The following SPAG9 variants were observed in gnomAD, a reference collection of about 807,000 sequenced individuals.
The protein encoded by SPAG9 is C-Jun-amino-terminal kinase-interacting protein 4.
SPAG9 carries 35 observed loss-of-function variants against 166.5 expected under a neutral mutation model. That is an observed-to-expected ratio of 0.21 (90% CI 0.16 to 0.28). The LOEUF is 0.28. SPAG9 is among the 10% of genes least tolerant of loss of function. The probability of loss-of-function intolerance (pLI) is 1.00; values close to 1 mark genes in which losing one functional copy is unlikely to be tolerated. For missense variants in SPAG9, 1,235 were observed against 1,603.3 expected (o/e 0.77, Z 3.92); for synonymous variants, 534 against 565.5 (o/e 0.94, Z 0.79).
intron 2 of SPAG9, among the ~76,000 whole-genome samples, chr17:51,074,589 T>C (rs2047914964): frequency 6.6e-6 from 1 of 152,210 alleles, no homozygotes; most frequent in East Asian, 1.9e-4. Context: ...TGGAGGATAA[T>C]ATATTCATAA....
At chr17:51,095,584 G>T (rs1300113229) in intron 1 of SPAG9, among the ~76,000 whole-genome samples, 1 of 150,650 alleles carries the variant, frequency 6.6e-6, no homozygotes, top group Non-Finnish European at 1.5e-5. Context: ...CTGGGAGGTG[G>T]AGGCTGCAGT....
chr17:51,108,759 A>T (rs2049023908), intron 1 of SPAG9, among the ~76,000 whole-genome samples: 1 of 152,114 alleles, frequency 6.6e-6, no homozygotes, highest in Non-Finnish European at 1.5e-5. Context: ...GGCCTCCCAA[A>T]CTGCTAAGAT....
In SPAG9 at chr17:51,047,394, T is replaced by G. The variant is rs2047055550; in HGVS notation, c.571A>C (p.Thr191Pro). Reference protein sequence around the residue: ...QLSGSDQLESTAHSRIRKERP... With the variant: ...QLSGSDQLESPAHSRIRKERP... ...GCTTACCTAATTCTACTATGAGCTG[T>G]GGATTCTAGTTGATCACTCCCTGAG... Residue 191 changes from threonine (T) to proline (P), a missense_variant, in exon 4 of 30, where the codon ACA becomes CCA. Physicochemically the swap from Thr to Pro is conservative, Grantham distance 38. Transcript: ENST00000262013. The G allele has an allele frequency of 6.3e-7, 1 of 1,583,776 alleles. No individual in the cohort carries two copies. Among genetic ancestry groups the G allele is most frequent in the African/African-American group, 1.4e-5 (1 of 73,748 alleles).
intron 1 of SPAG9, among the ~76,000 whole-genome samples, chr17:51,103,268 T>C (rs2048854558): frequency 6.6e-6 from 1 of 152,156 alleles, no homozygotes; most frequent in African/African-American, 2.4e-5. Context: ...ATCTACTGCA[T>C]CCTAGTTGGT....
At chr17:50,987,804 T>G (rs188765968) in intron 21 of SPAG9, among the ~76,000 whole-genome samples, 13 of 152,304 alleles carry the variant, frequency 8.5e-5, no homozygotes, top group African/African-American at 3.1e-4. Context: ...CTAAAATAAA[T>G]TAATAAACTG....
intron 1 of SPAG9, among the ~76,000 whole-genome samples, chr17:51,105,564 T>C (rs1265703165): frequency 6.6e-6 from 1 of 152,130 alleles, no homozygotes; most frequent in Non-Finnish European, 1.5e-5. Flanking sequence ...TCTTCCCCAG[T>C]AGCTTGAAAA....
rs182926169 is a variant in SPAG9, at chr17:51,066,294, A to T, written c.425-9812T>A. 2.6e-5 allele frequency among the ~76,000 whole-genome samples: 4 copies of T among 152,114 alleles called. No individual in the cohort carries two copies. The East Asian group carries it at 7.7e-4, about 29-fold the overall frequency. ...CCAAGATAATTTTTTGATTTTTTGT[A>T]GAGACAAGGTCTCACTATGTTGCCC... On this transcript the variant is annotated intron_variant, in intron 2 of 29. Coordinates refer to ENST00000262013, the MANE Select transcript of SPAG9 (RefSeq NM_001130528.3).
rs2049436171 is a variant in SPAG9 at position 51,120,213 on chromosome 17, G to A, written c.303+141C>T. On this transcript the variant is annotated intron_variant, in intron 1 of 29. Transcript: ENST00000262013. This position sits in a 1 kb window ranked among gnomAD's most constrained non-coding sequence, Gnocchi z 4.7. Reference sequence around the variant, plus strand: ...GCTCCCGGGGTACCTGGAGGCCGCCGGGATCGGTCCCAGGGGGCATCGGCC... The same window carrying A: ...GCTCCCGGGGTACCTGGAGGCCGCCAGGATCGGTCCCAGGGGGCATCGGCC... 1 of 650,594 alleles carries A rather than the reference G, an allele frequency of 1.5e-6. No individual in the cohort carries two copies. The highest frequency in any genetic ancestry group is 3.5e-5 in the East Asian group (1 of 28,772). The allele number at this position is 650,594 out of a possible 1,614,324, so 40.3% of individuals were successfully genotyped here.
intron 2 of SPAG9, among the ~76,000 whole-genome samples, chr17:51,063,695 C>T (rs891014339): frequency 2.0e-5 from 3 of 151,982 alleles, no homozygotes; most frequent in Admixed American, 6.6e-5. Context: ...ACCAGCCTGG[C>T]CAACATGGTG....
intron 9 of SPAG9, chr17:51,009,082 C>A: frequency 2.3e-6 from 1 of 441,290 alleles, no homozygotes; most frequent in Non-Finnish European, 4.5e-6. Flanking sequence ...CAGCCAAGAA[C>A]ACCTAGCTTA....
chr17:51,102,237 A>G (rs2048826579), intron 1 of SPAG9, among the ~76,000 whole-genome samples: 1 of 151,636 alleles, frequency 6.6e-6, no homozygotes, highest in African/African-American at 2.4e-5. Context: ...AAAACATAAA[A>G]TACTAAAATA....
intron 2 of SPAG9, among the ~76,000 whole-genome samples, chr17:51,069,396 T>C (rs1278347575): frequency 6.6e-6 from 1 of 152,100 alleles, no homozygotes; most frequent in Non-Finnish European, 1.5e-5. Context: ...TAAAGTTTTG[T>C]ACAAGCCTGA....
chr17:51,035,950 G>A (rs1435541712), intron 5 of SPAG9, among the ~76,000 whole-genome samples: 1 of 152,126 alleles, frequency 6.6e-6, no homozygotes, highest in Non-Finnish European at 1.5e-5. Context: ...CTAGGCCTTG[G>A]ATGGTTATTT....
At chr17:51,111,377 T>C (rs1054416217) in intron 1 of SPAG9, among the ~76,000 whole-genome samples, 5 of 152,096 alleles carry the variant, frequency 3.3e-5, no homozygotes, top group African/African-American at 4.8e-5. Context: ...TAACATCAGT[T>C]CTCCTGAGAA....
chr17:51,102,847 A>C (rs545222105), intron 1 of SPAG9, among the ~76,000 whole-genome samples: 2 of 152,188 alleles, frequency 1.3e-5, no homozygotes, highest in African/African-American at 4.8e-5. Context: ...GGGTCTCGCT[A>C]TGTTGCCCAG....
chr17:51,051,129 T>A (rs2047171698), intron 3 of SPAG9, among the ~76,000 whole-genome samples: 1 of 152,062 alleles, frequency 6.6e-6, no homozygotes, highest in South Asian at 2.1e-4. Flanking sequence ...TTTTGTTTTG[T>A]GACGGAGGCT....
At chr17:51,096,808 C>T (rs990171404) in intron 1 of SPAG9, among the ~76,000 whole-genome samples, 2 of 152,272 alleles carry the variant, frequency 1.3e-5, no homozygotes, top group Non-Finnish European at 2.9e-5. Context: ...AGTGTGATAT[C>T]GTGAAATACG....
At chr17:51,076,993 T>TCTAGCTATCTATCTAG (rs2047992693) in intron 2 of SPAG9, among the ~76,000 whole-genome samples, 1 of 85,802 alleles carries the variant, frequency 1.2e-5, no homozygotes, top group Non-Finnish European at 2.6e-5. Context: ...TATCTAGCTA[T>TCTAGCTATCTATCTAG]CTAGCTATCT....
At chr17:51,089,538 A>G (rs2048391834) in intron 1 of SPAG9, among the ~76,000 whole-genome samples, 1 of 147,062 alleles carries the variant, frequency 6.8e-6, no homozygotes, top group African/African-American at 2.5e-5. Flanking sequence ...TCCCCAAAAA[A>G]TATTGAAATA....
Sources: allele counts gnomAD v4.1 joint callset (sites outside exome capture counted in the v4.1 genomes callset), GRCh38; gene constraint gnomAD v4.1.1; non-coding constraint Gnocchi (gnomAD v3.1); transcripts MANE v1.5; gene names NCBI Gene and HGNC (gene_info 2026-07-23, HGNC 2026-07-21).